Variants in ESRRG observed in about 807,000 individuals in gnomAD.
ESRRG encodes estrogen-related receptor gamma.
In ESRRG, 13 loss-of-function variants were observed where a neutral mutation model predicts 44.0. That is an observed-to-expected ratio of 0.30 (90% CI 0.19 to 0.47). The LOEUF (loss-of-function observed/expected upper bound fraction) is 0.47. Among genes scored for constraint, ESRRG ranks in the 20% least tolerant of loss-of-function variants. The probability of loss-of-function intolerance (pLI) is 1.00; values close to 1 mark genes in which losing one functional copy is unlikely to be tolerated. For synonymous variants in ESRRG, 215 were observed against 214.6 expected (o/e 1.00, Z -0.02); for missense variants, 395 against 580.6 (o/e 0.68, Z 3.29).
At chr1:216,698,472 T>G (rs1442171970) in intron 1 of ESRRG, among the ~76,000 whole-genome samples, 1 of 133,534 alleles carries the variant, frequency 7.5e-6, no homozygotes, top group Non-Finnish European at 1.5e-5. Context: ...TGAGCCGAGA[T>G]CACGCCACTG....
intron 5 of ESRRG, among the ~76,000 whole-genome samples, chr1:216,530,658 G>A (rs11117610): frequency 0.2 from 29,822 of 152,088 alleles, 3,696 homozygotes; most frequent in Non-Finnish European, 0.27. Context: ...AAGCTGCCAC[G>A]TACAAAAGGG....
At chr1:216,878,311 C>G (rs1312838343) in intron 2 of ESRRG, among the ~76,000 whole-genome samples, 2 of 152,104 alleles carry the variant, frequency 1.3e-5, no homozygotes, top group East Asian at 3.9e-4. Flanking sequence ...TTTTTATACA[C>G]TAGATACTAA....
chr1:217,043,993 G>A (rs1229250280), intron 1 of ESRRG, among the ~76,000 whole-genome samples: 1 of 151,348 alleles, frequency 6.6e-6, no homozygotes, highest in Non-Finnish European at 1.5e-5. Flanking sequence ...AAACCGATAG[G>A]AATAATATAG....
intron 1 of ESRRG, among the ~76,000 whole-genome samples, chr1:217,053,388 G>C (rs1429573858): frequency 6.6e-6 from 1 of 151,854 alleles, no homozygotes; most frequent in East Asian, 1.9e-4. Context: ...CTAGGAGATA[G>C]AGGTTGCAGT....
At chr1:216,743,456 T>C (rs1048031647) in intron 2 of ESRRG, among the ~76,000 whole-genome samples, 4 of 152,212 alleles carry the variant, frequency 2.6e-5, no homozygotes, top group Non-Finnish European at 4.4e-5. Flanking sequence ...TTAAAAAATA[T>C]AAAAGTATTC....
intron 1 of ESRRG, among the ~76,000 whole-genome samples, chr1:217,012,591 A>G (rs1448601977): frequency 1.3e-5 from 2 of 152,182 alleles, no homozygotes; most frequent in Non-Finnish European, 2.9e-5. Flanking sequence ...AGTTTAGGCT[A>G]AGGAAATTAC....
chr1:217,039,284 T>G (rs151158476), intron 1 of ESRRG, among the ~76,000 whole-genome samples: 256 of 152,308 alleles, frequency 1.7e-3, no homozygotes, highest in African/African-American at 6.1e-3. Flanking sequence ...TTCAGGTATA[T>G]TTTCAGCAAC....
At chr1:216,958,828 C>A (rs973626028) in intron 1 of ESRRG, among the ~76,000 whole-genome samples, 3 of 152,092 alleles carry the variant, frequency 2.0e-5, no homozygotes, top group Admixed American at 6.6e-5. Context: ...AATCACCAGA[C>A]CTCTCAGAGC....
intron 3 of ESRRG, among the ~76,000 whole-genome samples, chr1:216,620,683 C>A (rs1273950554): frequency 2.6e-5 from 4 of 152,056 alleles, no homozygotes; most frequent in Non-Finnish European, 5.9e-5. Context: ...ATATGTGACC[C>A]AGGACGATGC....
rs1395781076 is a variant in ESRRG at position 216,745,174 on chromosome 1, T to C, written c.-13-67683A>G. 2.0e-5 allele frequency among the ~76,000 whole-genome samples: 3 copies of C among 152,128 alleles called. No homozygotes were observed. In the East Asian group the frequency reaches 5.8e-4, roughly 29 times the overall value. The stretch of plus-strand genomic sequence containing the variant: ...GTTTTTTGTTTGTTTGTTTGTTTGT[T>C]TTTAAGTCGAGTCTCACTCTGTCAC... On this transcript the variant is annotated intron_variant, in intron 2 of 7. Coordinates refer to the ESRRG transcript ENST00000359162.
intron 3 of ESRRG, among the ~76,000 whole-genome samples, chr1:216,615,752 T>TC (rs1553421051): frequency 1.3e-5 from 2 of 151,146 alleles, no homozygotes; most frequent in Admixed American, 1.3e-4. Context: ...TTTTTTTTTT[T>TC]CCTGAGATGG....
chr1:216,765,093 T>C (rs151122298), intron 2 of ESRRG, among the ~76,000 whole-genome samples: 1,616 of 152,164 alleles, frequency 0.011, 12 homozygotes, highest in South Asian at 0.023. Flanking sequence ...GTTTTCCCAA[T>C]GGCCAGAGCC....
chr1:216,711,909 T>C (rs190891184), intron 1 of ESRRG, among the ~76,000 whole-genome samples: 1 of 152,336 alleles, frequency 6.6e-6, no homozygotes, highest in East Asian at 1.9e-4. Flanking sequence ...AAATTACTGA[T>C]ACTTGACCAT....
At chr1:216,994,757 AT>A (rs71303008) in intron 1 of ESRRG, among the ~76,000 whole-genome samples, 16 of 148,284 alleles carry the variant, frequency 1.1e-4, no homozygotes, top group Non-Finnish European at 1.9e-4. Flanking sequence ...AATTTTTTGT[AT>A]TTTTTTTTTA....
chr1:216,810,585 TTATA>T (rs1468691205), intron 2 of ESRRG, among the ~76,000 whole-genome samples: 1 of 147,522 alleles, frequency 6.8e-6, no homozygotes, highest in Non-Finnish European at 1.5e-5. Flanking sequence ...ATATTATAAA[TTATA>T]TATATAATAT....
intron 1 of ESRRG, among the ~76,000 whole-genome samples, chr1:217,001,196 C>T (rs1365918006): frequency 3.3e-5 from 5 of 152,170 alleles, no homozygotes; most frequent in Admixed American, 3.3e-4. Context: ...TGGAAGCTGC[C>T]TTCTTTTCTT....
chr1:216,516,818 T>A (rs1857394), intron 6 of ESRRG, among the ~76,000 whole-genome samples: 1 of 152,152 alleles, frequency 6.6e-6, no homozygotes, highest in Non-Finnish European at 1.5e-5. Flanking sequence ...CTTGGATCTA[T>A]AACTTTATTG....
intron 2 of ESRRG, among the ~76,000 whole-genome samples, chr1:216,836,947 A>G (rs574375620): frequency 2.0e-5 from 3 of 152,278 alleles, no homozygotes; most frequent in Non-Finnish European, 4.4e-5. Context: ...TGTACAAACA[A>G]AAACACACCA....
intron 1 of ESRRG, among the ~76,000 whole-genome samples, chr1:216,953,156 G>T (rs1319475813): frequency 6.6e-6 from 1 of 152,086 alleles, no homozygotes; most frequent in Non-Finnish European, 1.5e-5. Context: ...CATGCAGAAA[G>T]GTATTCAGCA....
Sources: gnomAD v4.1 joint callset for allele counts (sites outside exome capture counted in the v4.1 genomes callset) on GRCh38, gnomAD v4.1.1 for gene constraint, MANE v1.5 for transcripts, NCBI Gene and HGNC (gene_info 2026-07-23, HGNC 2026-07-21) for gene names.